Variants in OTUD7A observed in about 807,000 individuals in gnomAD.
OTUD7A encodes the protein OTU deubiquitinase 7A.
In OTUD7A, 12 loss-of-function variants were observed where a neutral mutation model predicts 65.7. The observed-to-expected ratio is 0.18, with a 90% CI of 0.12 to 0.30. OTUD7A has a LOEUF of 0.30. OTUD7A is among the 10% of genes least tolerant of loss of function. The pLI is 1.00. For synonymous variants in OTUD7A, 641 were observed against 586.3 expected (o/e 1.09, Z -1.35); for missense variants, 1,148 against 1,304.8 (o/e 0.88, Z 1.85).
At position 31,503,283 on chromosome 15, in the gene OTUD7A, C is replaced by CT. The variant is rs541374626; in HGVS notation, c.1021+407dup. Among the ~76,000 whole-genome samples the CT allele has an allele frequency of 4.0e-4, 61 of 151,682 alleles. No homozygotes were observed. The East Asian group carries it at 0.012, about 29-fold the overall frequency. ...CTTTTGCCAAATGACTCTATGCATT[C>CT]TGTCTTCCTTTCTTTTTAGTCTTTA... On this transcript the variant is annotated intron_variant, in intron 9 of 12. Transcript: ENST00000307050.
intron 7 of OTUD7A, 104 bp downstream of exon 7, chr15:31,527,077 C>T: frequency 4.6e-6 from 7 of 1,519,768 alleles, no homozygotes; most frequent in Non-Finnish European, 6.2e-6. Flanking sequence ...GCCTTCCCCT[C>T]ATAAGACTGT....
At chr15:31,740,209 C>T (rs2141371670) in intron 1 of OTUD7A, among the ~76,000 whole-genome samples, 1 of 152,128 alleles carries the variant, frequency 6.6e-6, no homozygotes, top group Middle Eastern at 3.4e-3. Context: ...GGGCAACAGC[C>T]CCAGAGGCTG....
chr15:31,501,201 G>A (rs995587319), intron 10 of OTUD7A, among the ~76,000 whole-genome samples: 1 of 152,198 alleles, frequency 6.6e-6, no homozygotes, highest in Non-Finnish European at 1.5e-5. Context: ...TATTTTAGGC[G>A]CTGCAGGCCT....
chr15:31,691,177 AC>A, intron 1 of OTUD7A, among the ~76,000 whole-genome samples: 1 of 152,366 alleles, frequency 6.6e-6, no homozygotes, highest in African/African-American at 2.4e-5. Flanking sequence ...AAAGTGATTT[AC>A]AGATTCAATG....
intron 1 of OTUD7A, among the ~76,000 whole-genome samples, chr15:31,850,413 G>C (rs1897392835): frequency 1.3e-5 from 2 of 151,946 alleles, no homozygotes; most frequent in Non-Finnish European, 2.9e-5. Flanking sequence ...CCTGTTGTGG[G>C]GTGGGGGGAG....
Position 31,511,703 on chromosome 15 carries a change from AACAC to A in OTUD7A, c.894-7889_894-7886del, listed in dbSNP as rs550945728. Among the ~76,000 whole-genome samples the A allele has an allele frequency of 2.1e-3, 282 of 137,186 alleles. 5 individuals carry two copies. Among genetic ancestry groups the A allele is most frequent in the South Asian group, 3.2e-3 (13 of 4,044 alleles). The allele number at this position is 137,186 out of a possible 152,430, so 90.0% of individuals were successfully genotyped here. A position where few individuals can be genotyped will look rare whatever the true frequency, so the allele number is the denominator to read the frequency against. On this transcript the variant is annotated intron_variant, in intron 8 of 12. Transcript: ENST00000307050. ...CACACATATATGTATATCTATATGT[AACAC>A]ACATATATATGTATATCTATATGTA...
chr15:31,573,995 C>T (rs911831977), intron 3 of OTUD7A, among the ~76,000 whole-genome samples: 1 of 152,036 alleles, frequency 6.6e-6, no homozygotes, highest in East Asian at 1.9e-4. Flanking sequence ...ACAATAAGAA[C>T]AGACAAAAGA....
At chr15:31,503,016 G>A (rs528515416) in intron 9 of OTUD7A, among the ~76,000 whole-genome samples, 1 of 152,354 alleles carries the variant, frequency 6.6e-6, no homozygotes, top group East Asian at 1.9e-4. Flanking sequence ...GCACGCTGGA[G>A]GGAGGACAGG....
intron 1 of OTUD7A, among the ~76,000 whole-genome samples, chr15:31,815,719 C>T (rs1896531791): frequency 6.6e-6 from 1 of 152,238 alleles, no homozygotes; most frequent in African/African-American, 2.4e-5. Context: ...CACCACGGGC[C>T]ATCTTCCTAC....
chr15:31,493,647 C>T (rs536228752), intron 10 of OTUD7A, among the ~76,000 whole-genome samples: 1 of 152,290 alleles, frequency 6.6e-6, no homozygotes, highest in South Asian at 2.1e-4. Flanking sequence ...TTAAAAAGAA[C>T]AGAAATCATG....
chr15:31,508,595 G>C (rs1173306167), intron 8 of OTUD7A, among the ~76,000 whole-genome samples: 1 of 152,192 alleles, frequency 6.6e-6, no homozygotes, highest in African/African-American at 2.4e-5. Context: ...CTCATGATCC[G>C]CCTGCCTCAG....
chr15:31,492,180 TA>T, intron 10 of OTUD7A, among the ~76,000 whole-genome samples: 1 of 152,124 alleles, frequency 6.6e-6, no homozygotes, highest in Non-Finnish European at 1.5e-5. Context: ...GATGTAAAAA[TA>T]AAATGTCTGA....
At chr15:31,622,146 T>C (rs1403349973) in intron 3 of OTUD7A, among the ~76,000 whole-genome samples, 2 of 152,234 alleles carry the variant, frequency 1.3e-5, no homozygotes, top group African/African-American at 4.8e-5. Flanking sequence ...GTTAGTCTGA[T>C]GGGCTTCCCT....
intron 1 of OTUD7A, among the ~76,000 whole-genome samples, chr15:31,734,465 G>A (rs892013131): frequency 2.0e-5 from 3 of 152,124 alleles, no homozygotes; most frequent in Admixed American, 6.5e-5. Context: ...TAAGCAAAAA[G>A]AACAAAGCTG....
intron 12 of OTUD7A, among the ~76,000 whole-genome samples, chr15:31,486,441 T>G (rs998920742): frequency 5.3e-5 from 8 of 152,256 alleles, no homozygotes; most frequent in Non-Finnish European, 7.3e-5. Context: ...CCTTTACTAA[T>G]TCTTTGTGAG....
intron 7 of OTUD7A, among the ~76,000 whole-genome samples, 195 bp downstream of exon 7, chr15:31,526,986 G>A (rs930846250): frequency 3.3e-5 from 5 of 152,210 alleles, no homozygotes; most frequent in Non-Finnish European, 7.4e-5. Context: ...GTTGCTGTCT[G>A]CCGGGACTCT....
intron 1 of OTUD7A, among the ~76,000 whole-genome samples, chr15:31,794,891 TA>T (rs1408461327): frequency 6.6e-6 from 1 of 152,222 alleles, no homozygotes; most frequent in Non-Finnish European, 1.5e-5. Flanking sequence ...AATTTTAAAA[TA>T]AAAGTCAATG....
In OTUD7A at chr15:31,483,727, G is replaced by T; in HGVS notation, c.2369C>A (p.Ala790Glu). ...CAGCGCCCCCACGGCCGGCGCGCAC[G>T]CCTCGTCCCGCGCGCCCGACGCCTG... Reference protein sequence around the residue: ...HVQASGARDEACAPAVGALRP... With the variant: ...HVQASGARDEECAPAVGALRP... The change falls in exon 13 of 13, where the codon GCG (alanine) becomes GAG (glutamate). Residue 790 changes from alanine (A) to glutamate (E), a missense_variant. Coordinates refer to ENST00000307050, the MANE Select transcript of OTUD7A (RefSeq NM_001382637.1). 1 of 1,120,844 alleles carries T rather than the reference G, an allele frequency of 8.9e-7. No individual in the cohort carries two copies. The highest frequency in any genetic ancestry group is 1.1e-6 in the Non-Finnish European group (1 of 919,334). 69.4% of individuals were successfully genotyped at this position (1,120,844 alleles called of 1,614,324 possible).
At chr15:31,780,889 C>A (rs1182083813) in intron 1 of OTUD7A, among the ~76,000 whole-genome samples, 1 of 152,230 alleles carries the variant, frequency 6.6e-6, no homozygotes, top group African/African-American at 2.4e-5. Context: ...CTTCTGTCAA[C>A]TTTCCACAGG....
Sources: allele counts gnomAD v4.1 joint callset (sites outside exome capture counted in the v4.1 genomes callset), GRCh38; gene constraint gnomAD v4.1.1; transcripts MANE v1.5; gene names NCBI Gene and HGNC (gene_info 2026-07-23, HGNC 2026-07-21).